The following ATL3 variants were observed in gnomAD, a reference collection of about 807,000 sequenced individuals.
ATL3 encodes atlastin-3.
Under a neutral mutation model 69.5 loss-of-function variants are expected in ATL3, and 49 were observed. That is an observed-to-expected ratio of 0.71 (90% CI 0.56 to 0.89). The LOEUF (loss-of-function observed/expected upper bound fraction) is 0.89. Ranked by LOEUF, ATL3 falls within the 40% of genes least tolerant of loss-of-function variation. The pLI, the probability that ATL3 is intolerant of heterozygous loss-of-function variation, is 0.00. For synonymous variants in ATL3, 214 were observed against 224.1 expected (o/e 0.95, Z 0.40); for missense variants, 606 against 645.7 (o/e 0.94, Z 0.67).
At chr11:63,664,492 A>G (rs899731120) in intron 1 of ATL3, among the ~76,000 whole-genome samples, 1 of 151,698 alleles carries the variant, frequency 6.6e-6, no homozygotes, top group African/African-American at 2.4e-5. Flanking sequence ...GTGAGCCAAC[A>G]TTGCGCCACT....
In ATL3 at chr11:63,633,050, G is replaced by C. The variant is rs772075062; in HGVS notation, c.1083C>G (p.Asp361Glu). 3.7e-6 allele frequency: 6 copies of C among 1,614,156 alleles called. No individual in the cohort carries two copies. The Middle Eastern group carries it at 8.2e-4, about 222-fold the overall frequency. Residue 361 changes from aspartate to glutamate, a missense_variant, in exon 11 of 13, where the codon GAC (aspartate) becomes GAG (glutamate). Physicochemically the swap from Asp to Glu is conservative, Grantham distance 45. Coordinates refer to ENST00000398868, the MANE Select transcript of ATL3 (RefSeq NM_015459.5). ...NNLAAAASAK[D>E]IYYNNMEEVC... ...CCTCTTCCATGTTGTTATAATAAAT[G>C]TCCTTGGCAGAGGCTGCAGCTGCTA...
intron 1 of ATL3, among the ~76,000 whole-genome samples, chr11:63,668,673 C>T (rs1260100588): frequency 6.6e-6 from 1 of 151,844 alleles, no homozygotes; most frequent in African/African-American, 2.4e-5. Flanking sequence ...GAAAATGATG[C>T]CAGGCTATAT....
In ATL3 at chr11:63,671,376, G is replaced by A. The variant is rs760032271; in HGVS notation, c.-41C>T. ...AAAGCAGAAGCAGCAGGGGTGCAGA[G>A]GAGAGGGACGGGTGCGGGCGGGAAC... On this transcript the variant is annotated 5_prime_UTR_variant, in exon 1 of 13. Transcript: ENST00000398868. 49 of 1,554,966 alleles carry A rather than the reference G, an allele frequency of 3.2e-5. No individual in the cohort carries two copies. The highest frequency in any genetic ancestry group is 2.6e-4 in the African/African-American group (18 of 70,366).
chr11:63,635,983 T>C (rs2134472511), intron 9 of ATL3, among the ~76,000 whole-genome samples: 1 of 150,390 alleles, frequency 6.6e-6, no homozygotes, highest in African/African-American at 2.5e-5. Flanking sequence ...TAGTCACAGC[T>C]AATTGCTCCT....
intron 6 of ATL3, among the ~76,000 whole-genome samples, chr11:63,645,918 C>G (rs1939860559): frequency 6.6e-6 from 1 of 151,996 alleles, no homozygotes. Flanking sequence ...CAGGCACCCA[C>G]CACCACGCCC....
chr11:63,643,533 A>G (rs904596945), intron 7 of ATL3, 38 bp from the exon 8 acceptor site: 1 of 1,582,602 alleles, frequency 6.3e-7, no homozygotes, highest in Non-Finnish European at 8.6e-7. Flanking sequence ...ACCAAAAGTC[A>G]TTTGGTTTTC....
chr11:63,637,134 G>A (rs771161937), intron 8 of ATL3, among the ~76,000 whole-genome samples: 22 of 151,946 alleles, frequency 1.4e-4, no homozygotes, highest in African/African-American at 3.6e-4. Flanking sequence ...AAAATTAGCC[G>A]GGGGTGGTGG....
intron 6 of ATL3, among the ~76,000 whole-genome samples, chr11:63,645,933 G>A (rs938746447): frequency 1.3e-5 from 2 of 151,680 alleles, no homozygotes; most frequent in African/African-American, 4.8e-5. Context: ...ACGCCCAGCT[G>A]ATTTTTGTAT....
At chr11:63,655,191 T>C (rs1047541127) in intron 3 of ATL3, among the ~76,000 whole-genome samples, 1 of 152,100 alleles carries the variant, frequency 6.6e-6, no homozygotes, top group African/African-American at 2.4e-5. Flanking sequence ...TATTCCTCAT[T>C]ACTGAGGCAA....
intron 1 of ATL3, among the ~76,000 whole-genome samples, chr11:63,665,982 A>G (rs1421055503): frequency 6.6e-6 from 1 of 152,088 alleles, no homozygotes; most frequent in Non-Finnish European, 1.5e-5. Flanking sequence ...AGCTGCTTAT[A>G]TATTACACCT....
chr11:63,654,699 AT>A (rs545924501), intron 3 of ATL3, among the ~76,000 whole-genome samples: 18,136 of 132,452 alleles, frequency 0.14, 1,176 homozygotes, highest in Middle Eastern at 0.19. Flanking sequence ...TGTCTGGCCT[AT>A]TTTTTTTTTT....
intron 10 of ATL3, among the ~76,000 whole-genome samples, chr11:63,634,046 A>AC (rs1939424825): frequency 6.7e-6 from 1 of 149,062 alleles, no homozygotes; most frequent in African/African-American, 2.5e-5. Context: ...AACAAAAAAA[A>AC]AAAAAAAAAA....
intron 2 of ATL3, 23 bp from the exon 3 acceptor site, chr11:63,658,927 T>A: frequency 1.3e-6 from 2 of 1,584,556 alleles, no homozygotes; most frequent in Non-Finnish European, 1.7e-6. Context: ...GAAATTTCTA[T>A]TAAATCTTAA....
intron 10 of ATL3, among the ~76,000 whole-genome samples, chr11:63,635,020 G>A (rs1179923768): frequency 6.6e-6 from 1 of 151,982 alleles, no homozygotes; most frequent in Non-Finnish European, 1.5e-5. Context: ...AAATTAGCCA[G>A]GCATGGTGGT....
At position 63,644,226 on chromosome 11, in the gene ATL3, A is replaced by C. The variant is rs1300565903; in HGVS notation, c.654T>G (p.Pro218=). The change falls in exon 7 of 13, where the codon CCT becomes CCG. Residue 218 remains proline, a synonymous_variant. Coordinates refer to ENST00000398868, the MANE Select transcript of ATL3 (RefSeq NM_015459.5). ...CTTGGAGTCCATAGCTATATTCATA[A>C]GGGAAACTCCAATCTCTAACCAAAA... ...LMFLVRDWSF[P]YEYSYGLQGG... is the part of the protein sequence containing the mutation. The C allele has an allele frequency of 1.9e-6, 3 of 1,611,434 alleles. No homozygotes were observed. The East Asian group carries it at 6.7e-5, about 36-fold the overall frequency.
chr11:63,641,224 C>T (rs1939691520), intron 8 of ATL3, among the ~76,000 whole-genome samples: 1 of 152,090 alleles, frequency 6.6e-6, no homozygotes, highest in Non-Finnish European at 1.5e-5. Flanking sequence ...AATTATGAGA[C>T]TAAAGATTGC....
Position 63,632,541 on chromosome 11 carries a change from T to C in ATL3, c.1107+485A>G, listed in dbSNP as rs1038874534. On this transcript the variant is annotated intron_variant, in intron 11 of 12. Transcript: ENST00000398868. Reference sequence around the variant, plus strand: ...CAGATTTCTTTAAAAGCTACAGTTATGTCCCAGTGGGTCATGTTTGGTTAG... The same window carrying C: ...CAGATTTCTTTAAAAGCTACAGTTACGTCCCAGTGGGTCATGTTTGGTTAG... 1.3e-5 allele frequency: 11 copies of C among 858,872 alleles called. 1 individual carries two copies. The highest frequency in any genetic ancestry group is 1.1e-4 in the South Asian group (8 of 76,012). 53.2% of individuals were successfully genotyped at this position (858,872 alleles called of 1,614,324 possible).
intron 3 of ATL3, 111 bp downstream of exon 3, chr11:63,658,650 C>T (rs1940329984): frequency 8.2e-7 from 1 of 1,222,084 alleles, no homozygotes; most frequent in Non-Finnish European, 1.1e-6. Flanking sequence ...TCTTACTTTA[C>T]CCATTTTAAA....
At chr11:63,663,973 A>G (rs1940498765) in intron 1 of ATL3, among the ~76,000 whole-genome samples, 1 of 152,208 alleles carries the variant, frequency 6.6e-6, no homozygotes, top group African/African-American at 2.4e-5. Context: ...CTAGATGTAA[A>G]AGTGGGAGTG....
Sources: gnomAD v4.1 joint callset for allele counts (sites outside exome capture counted in the v4.1 genomes callset) on GRCh38, gnomAD v4.1.1 for gene constraint, MANE v1.5 for transcripts, NCBI Gene and HGNC (gene_info 2026-07-23, HGNC 2026-07-21) for gene names.